Variants in DISC1 observed in about 807,000 individuals in gnomAD.
The protein encoded by DISC1 is DISC1 scaffold protein.
In DISC1, 57 loss-of-function variants were observed where a neutral mutation model predicts 84.5. That is an observed-to-expected ratio of 0.67 (90% confidence interval 0.55 to 0.84). The LOEUF is 0.84. DISC1 is among the 40% of genes least tolerant of loss of function. DISC1 has a pLI of 0.00. For missense variants in DISC1, 1,000 were observed against 1,057.8 expected, an observed-to-expected ratio of 0.95 and a Z score of 0.76; for synonymous variants, 411 against 415.2, an observed-to-expected ratio of 0.99 and a Z score of 0.12.
chr1:231,834,940 G>T (rs1406289884), intron 9 of DISC1, among the ~76,000 whole-genome samples: 1 of 152,226 alleles, frequency 6.6e-6, no homozygotes, highest in Non-Finnish European at 1.5e-5. Context: ...AGAGTTTTGG[G>T]TCCACAGATA....
chr1:231,978,680 C>G (rs544555495), intron 10 of DISC1, among the ~76,000 whole-genome samples: 1 of 152,196 alleles, frequency 6.6e-6, no homozygotes, highest in Non-Finnish European at 1.5e-5. Flanking sequence ...CCAATGAGAG[C>G]CCCTTCAGAT....
intron 5 of DISC1, 126 bp downstream of exon 5, chr1:231,767,395 T>C (rs1395109258): frequency 6.6e-6 from 9 of 1,372,338 alleles, no homozygotes; most frequent in Non-Finnish European, 9.0e-6. Context: ...CTTGAGCTCC[T>C]GGGTGATTCT....
chr1:231,781,035 A>G (rs1460442676), intron 6 of DISC1, among the ~76,000 whole-genome samples: 5 of 147,788 alleles, frequency 3.4e-5, no homozygotes, highest in Non-Finnish European at 7.5e-5. Context: ...GGGGAGGGAT[A>G]GCATCTGGAG....
intron 9 of DISC1, among the ~76,000 whole-genome samples, chr1:231,852,571 G>A (rs2083974190): frequency 6.6e-6 from 1 of 152,190 alleles, no homozygotes; most frequent in Non-Finnish European, 1.5e-5. Context: ...AACATTTGGG[G>A]CACATGCGCA....
rs35161490 is a variant in DISC1 at position 232,025,597 on chromosome 1, C to CT, written c.2308-821dup. 8.5e-3 allele frequency among the ~76,000 whole-genome samples: 1,129 copies of CT among 132,482 alleles called. 14 individuals carry two copies. Among genetic ancestry groups the CT allele is most frequent in the African/African-American group, 0.024 (873 of 36,288 alleles). 86.9% of individuals were successfully genotyped at this position (132,482 alleles called of 152,430 possible). A position where few individuals can be genotyped will look rare whatever the true frequency, so the allele number is the denominator to read the frequency against. ...AGCAAAAAGACATCATCATCCTGCTCTTTTTTTTTTTTTTTTTGAGACGGA... is the reference window on the plus strand; with the variant it reads ...AGCAAAAAGACATCATCATCCTGCTCTTTTTTTTTTTTTTTTTTGAGACGGA... On this transcript the variant is annotated intron_variant, in intron 11 of 12. Transcript: ENST00000439617.
intron 1 of DISC1, among the ~76,000 whole-genome samples, chr1:231,674,176 TAGTA>T (rs1386594883): frequency 1.3e-5 from 2 of 152,380 alleles, no homozygotes; most frequent in Admixed American, 1.3e-4. Flanking sequence ...GTCTGGCACT[TAGTA>T]AGTGCTCAGT....
chr1:231,911,322 C>A (rs1191261291), intron 9 of DISC1, among the ~76,000 whole-genome samples: 1 of 152,096 alleles, frequency 6.6e-6, no homozygotes, highest in African/African-American at 2.4e-5. Context: ...ACTGGTTGTT[C>A]CTTTCCATGT....
At chr1:231,646,616 A>T (rs1265785361) in intron 1 of DISC1, among the ~76,000 whole-genome samples, 1 of 152,180 alleles carries the variant, frequency 6.6e-6, no homozygotes, top group Non-Finnish European at 1.5e-5. Flanking sequence ...CTAGTTCTAG[A>T]TCCTTGATGA....
At chr1:231,942,357 A>G (rs1446208267) in intron 9 of DISC1, among the ~76,000 whole-genome samples, 2 of 152,146 alleles carry the variant, frequency 1.3e-5, no homozygotes, top group Non-Finnish European at 2.9e-5. Flanking sequence ...GCTGTGCTGC[A>G]TGGAAACAGA....
intron 11 of DISC1, among the ~76,000 whole-genome samples, chr1:232,023,447 A>G (rs2103034565): frequency 6.6e-6 from 1 of 152,326 alleles, no homozygotes; most frequent in Admixed American, 6.5e-5. Flanking sequence ...AATAAAAGTT[A>G]TTTCAATTTA....
At chr1:231,628,755 T>C (rs1287227686) in intron 1 of DISC1, among the ~76,000 whole-genome samples, 1 of 152,190 alleles carries the variant, frequency 6.6e-6, no homozygotes, top group Non-Finnish European at 1.5e-5. Flanking sequence ...TTTTTTTTTC[T>C]TTAGGAGACA....
intron 3 of DISC1, chr1:231,723,043 G>A (rs2070069977): frequency 1.9e-6 from 2 of 1,065,560 alleles, no homozygotes; most frequent in Admixed American, 4.9e-5. Context: ...GTGGCAATAT[G>A]TACTACAGTT....
Position 231,910,999 on chromosome 1 carries a change from C to A in DISC1, c.1982-47829C>A, listed in dbSNP as rs149508735. Among the ~76,000 whole-genome samples, 549 of 152,154 alleles carry A rather than the reference C, an allele frequency of 3.6e-3. 8 individuals carry two copies. The highest frequency in any genetic ancestry group is 0.013 in the African/African-American group (532 of 41,508). On this transcript the variant is annotated intron_variant, in intron 9 of 12. Transcript: ENST00000439617. ...TTTATCAGAGACTAGGATTGCAACC[C>A]CTGCTTTCTTTTGTTTTCCATTTGC...
chr1:231,968,533 AG>A (rs1264134071), intron 10 of DISC1, among the ~76,000 whole-genome samples: 3 of 148,762 alleles, frequency 2.0e-5, no homozygotes, highest in Non-Finnish European at 4.5e-5. Context: ...CGGAGCTTGC[AG>A]TGAGCCGAGA....
chr1:231,868,692 T>TTTTATATATA (rs2085227096), intron 9 of DISC1, among the ~76,000 whole-genome samples: 1 of 108,842 alleles, frequency 9.2e-6, no homozygotes, highest in Non-Finnish European at 1.9e-5. Flanking sequence ...ACCCCATCTC[T>TTTTATATATA]TATATATATA....
chr1:231,658,946 T>G (rs770565907), intron 1 of DISC1, among the ~76,000 whole-genome samples: 16 of 152,186 alleles, frequency 1.1e-4, no homozygotes, highest in Admixed American at 6.5e-4. Flanking sequence ...TTTCTTTTTT[T>G]TTGTTGTATC....
intron 9 of DISC1, among the ~76,000 whole-genome samples, chr1:231,908,275 C>G (rs1348396475): frequency 6.6e-6 from 1 of 152,052 alleles, no homozygotes; most frequent in African/African-American, 2.4e-5. Flanking sequence ...AATGGTATTG[C>G]CTAGGTTTTC....
chr1:231,993,688 A>G (rs1370025835), intron 10 of DISC1, among the ~76,000 whole-genome samples: 2 of 152,160 alleles, frequency 1.3e-5, no homozygotes, highest in African/African-American at 4.8e-5. Flanking sequence ...ACGAGACAGG[A>G]TCCCTGCTCT....
intron 9 of DISC1, among the ~76,000 whole-genome samples, chr1:231,822,668 A>G (rs569042287): frequency 1.1e-3 from 175 of 152,312 alleles, no homozygotes; most frequent in African/African-American, 4.1e-3. Flanking sequence ...CTGCGTTGCT[A>G]TAGAGGAATA....
Sources: allele counts gnomAD v4.1 joint callset (sites outside exome capture counted in the v4.1 genomes callset), GRCh38; gene constraint gnomAD v4.1.1; transcripts MANE v1.5; gene names NCBI Gene and HGNC (gene_info 2026-07-23, HGNC 2026-07-21).